DPP8: variants seen among roughly 807,000 people sequenced by gnomAD.
DPP8 encodes DPP VIII.
Under a neutral mutation model 107.5 loss-of-function variants are expected in DPP8, and 31 were observed. That is an observed-to-expected ratio of 0.29 (90% confidence interval 0.22 to 0.39). The LOEUF (loss-of-function observed/expected upper bound fraction) is 0.39. DPP8 is among the 10% of genes least tolerant of loss of function. The probability of loss-of-function intolerance (pLI) is 1.00; values close to 1 mark genes in which losing one functional copy is unlikely to be tolerated. For missense variants in DPP8, 842 were observed against 1,076.1 expected (o/e 0.78, Z 3.04); for synonymous variants, 381 against 356.6 (o/e 1.07, Z -0.77).
intron 2 of DPP8, among the ~76,000 whole-genome samples, chr15:65,509,598 G>A (rs1180022161): frequency 1.3e-5 from 2 of 152,154 alleles, no homozygotes; most frequent in Non-Finnish European, 2.9e-5. Flanking sequence ...AAGAACAAGA[G>A]GCAAAATTAA....
At chr15:65,516,627 CTCACTCAGAAATAGA>C (rs1479974144) in intron 1 of DPP8, 2 of 152,208 alleles carry the variant, frequency 1.3e-5, no homozygotes, top group Non-Finnish European at 2.9e-5. Flanking sequence ...CACTAAGCCC[CTCACTCAGAAATAGA>C]GCATGTTGAC....
At chr15:65,483,963 A>C (rs919388845) in intron 8 of DPP8, among the ~76,000 whole-genome samples, 5 of 152,202 alleles carry the variant, frequency 3.3e-5, no homozygotes, top group Admixed American at 2.0e-4. Flanking sequence ...AGGAGACCAA[A>C]CTACATATTG....
intron 1 of DPP8, chr15:65,516,192 A>C: frequency 6.1e-6 from 1 of 163,964 alleles, no homozygotes; most frequent in Non-Finnish European, 1.3e-5. Flanking sequence ...TTACATAATA[A>C]TGTCATATCA....
At chr15:65,477,784 G>A (rs556628688) in intron 11 of DPP8, among the ~76,000 whole-genome samples, 39 of 151,904 alleles carry the variant, frequency 2.6e-4, no homozygotes, top group African/African-American at 7.2e-4. Flanking sequence ...CGCCTGCCTC[G>A]GCCTCCCAAA....
intron 1 of DPP8, chr15:65,512,955 T>C (rs1325456760): frequency 5.6e-6 from 1 of 179,034 alleles, no homozygotes; most frequent in Non-Finnish European, 1.2e-5. Context: ...CCAAGGAAGC[T>C]AAGTGTTTTG....
At chr15:65,503,688 T>C (rs2141022225) in intron 3 of DPP8, among the ~76,000 whole-genome samples, 1 of 152,178 alleles carries the variant, frequency 6.6e-6, no homozygotes, top group Non-Finnish European at 1.5e-5. Flanking sequence ...AGTGGCACGA[T>C]TTAAGCTCAC....
At chr15:65,452,149 G>C (rs1297651380) in intron 17 of DPP8, 47 bp from the exon 18 acceptor site, 2 of 1,561,562 alleles carry the variant, frequency 1.3e-6, no homozygotes, top group Non-Finnish European at 1.7e-6. Context: ...GAAAAAGAGA[G>C]TGGCTAGCAG....
chr15:65,508,158 T>G (rs1237237474), intron 2 of DPP8, among the ~76,000 whole-genome samples: 1 of 151,970 alleles, frequency 6.6e-6, no homozygotes, highest in Non-Finnish European at 1.5e-5. Flanking sequence ...GAGAATTGCT[T>G]GAACCCAGGA....
intron 15 of DPP8, among the ~76,000 whole-genome samples, chr15:65,456,948 G>A (rs746314207): frequency 2.0e-5 from 3 of 152,180 alleles, no homozygotes; most frequent in Non-Finnish European, 4.4e-5. Context: ...TGTCTGGAAT[G>A]CTTTTCTCTC....
chr15:65,496,926 C>T (rs1048170958), intron 5 of DPP8, among the ~76,000 whole-genome samples: 8 of 151,770 alleles, frequency 5.3e-5, no homozygotes, highest in African/African-American at 1.9e-4. Flanking sequence ...GTCTTGCTCT[C>T]TTGCCCAGGC....
intron 10 of DPP8, among the ~76,000 whole-genome samples, chr15:65,479,834 G>C (rs1249774959): frequency 1.7e-5 from 2 of 120,346 alleles, no homozygotes; most frequent in African/African-American, 3.4e-5. Flanking sequence ...CTGGGCGACA[G>C]AGCGAGACTC....
chr15:65,466,626 T>C, intron 14 of DPP8, 52 bp downstream of exon 14: 2 of 1,493,096 alleles, frequency 1.3e-6, no homozygotes, highest in Non-Finnish European at 1.9e-6. Flanking sequence ...ACGTTTAGTG[T>C]ACTAATATAT....
intron 9 of DPP8, among the ~76,000 whole-genome samples, chr15:65,481,164 A>G (rs1567212717): frequency 6.6e-6 from 1 of 152,198 alleles, no homozygotes; most frequent in Non-Finnish European, 1.5e-5. Flanking sequence ...TACATTAGAC[A>G]CAGAAACTAT....
chr15:65,463,381 A>G (rs1434429162), intron 15 of DPP8, among the ~76,000 whole-genome samples: 1 of 152,160 alleles, frequency 6.6e-6, no homozygotes, highest in Non-Finnish European at 1.5e-5. Context: ...TCTACTAAAA[A>G]TATTTTAAAA....
At chr15:65,480,945 A>C (rs1455506890) in intron 9 of DPP8, among the ~76,000 whole-genome samples, 2 of 152,130 alleles carry the variant, frequency 1.3e-5, no homozygotes, top group Non-Finnish European at 2.9e-5. Context: ...AAAATAAAAA[A>C]AATTAGCTGG....
rs902219763 is a variant in DPP8, at chr15:65,497,321, C to T, written c.715+543G>A. 4.6e-5 allele frequency among the ~76,000 whole-genome samples: 7 copies of T among 152,122 alleles called. No homozygotes were observed. The South Asian group carries it at 1.0e-3, about 22-fold the overall frequency. On this transcript the variant is annotated intron_variant, in intron 5 of 19. Transcript: ENST00000300141. The stretch of plus-strand genomic sequence containing the variant: ...TCTCACTTTGTCACCCAGGTTGGAG[C>T]GCAATGGCTCACCATAGCCTTGACC...
intron 15 of DPP8, among the ~76,000 whole-genome samples, chr15:65,459,910 G>A (rs1017018424): frequency 1.3e-4 from 20 of 151,388 alleles, no homozygotes; most frequent in Admixed American, 7.9e-4. Flanking sequence ...AGCCGAGATC[G>A]TGCCACTGCG....
intron 19 of DPP8, among the ~76,000 whole-genome samples, chr15:65,448,998 A>T (rs1388189503): frequency 7.1e-6 from 1 of 139,944 alleles, no homozygotes; most frequent in African/African-American, 2.6e-5. Flanking sequence ...ACCTGAGGTC[A>T]GCAGTTGGAG....
intron 5 of DPP8, among the ~76,000 whole-genome samples, chr15:65,494,373 C>G (rs895418676): frequency 2.0e-5 from 3 of 151,692 alleles, no homozygotes; most frequent in African/African-American, 4.8e-5. Flanking sequence ...GACACCATGT[C>G]TGGGTAATTT....
Sources: allele counts gnomAD v4.1 joint callset (sites outside exome capture counted in the v4.1 genomes callset), GRCh38; gene constraint gnomAD v4.1.1; transcripts MANE v1.5; gene names NCBI Gene and HGNC (gene_info 2026-07-23, HGNC 2026-07-21).